Variants in CSMD1 observed in about 807,000 individuals in gnomAD.
The protein encoded by CSMD1 is CUB and Sushi multiple domains 1, also known as CUB and sushi domain-containing protein 1.
Under a neutral mutation model 417.5 loss-of-function variants are expected in CSMD1, and 213 were observed. The observed-to-expected ratio is 0.51, with a 90% CI of 0.46 to 0.57. The LOEUF is 0.57. Among genes scored for constraint, CSMD1 ranks in the 20% least tolerant of loss-of-function variants. The pLI is 0.00. For synonymous variants in CSMD1, 2,862 were observed against 1,736.8 expected (o/e 1.65, Z -16.11); for missense variants, 6,923 against 4,529.7 (o/e 1.53, Z -15.17).
At chr8:4,119,095 G>C (rs888273245) in intron 3 of CSMD1, among the ~76,000 whole-genome samples, 1 of 152,080 alleles carries the variant, frequency 6.6e-6, no homozygotes, top group Admixed American at 6.6e-5. Flanking sequence ...CTGTCAGTGG[G>C]TGGGGACAAG....
At position 3,107,741 on chromosome 8, in the gene CSMD1, G is replaced by A. The variant is rs375171520; in HGVS notation, c.6812C>T (p.Thr2271Ile). 26 of 1,592,146 alleles carry A rather than the reference G, an allele frequency of 1.6e-5. No homozygotes were observed. The highest frequency in any genetic ancestry group is 2.0e-5 in the Non-Finnish European group (23 of 1,171,036). ...PPAVPQAEML[T>I]EDDDFEIGDF... Reference sequence around the variant, plus strand: ...ACCTATTTCGAAATCATCATCCTCAGTAAGCATTTCTGCCTGTGGAACCGC... The same window carrying A: ...ACCTATTTCGAAATCATCATCCTCAATAAGCATTTCTGCCTGTGGAACCGC... The change falls in exon 45 of 70, where the codon ACT (threonine) becomes ATT (isoleucine). Residue 2271 changes from threonine (T) to isoleucine (I), a missense_variant. Thr to Ile is a moderately conservative substitution (Grantham distance 89). Coordinates refer to ENST00000635120, the MANE Select transcript of CSMD1 (RefSeq NM_033225.6).
At chr8:3,307,415 TG>T (rs1202464783) in intron 25 of CSMD1, among the ~76,000 whole-genome samples, 4 of 27,196 alleles carry the variant, frequency 1.5e-4, no homozygotes, top group Non-Finnish European at 1.3e-4. Flanking sequence ...GAAGTCATGA[TG>T]TTTTTTTTCA....
chr8:4,235,886 G>T (rs555596750), intron 3 of CSMD1, among the ~76,000 whole-genome samples: 3 of 152,234 alleles, frequency 2.0e-5, no homozygotes, highest in African/African-American at 7.2e-5. Context: ...GGAACCGGCT[G>T]ACACATCCCG....
chr8:3,751,870 A>G (rs1462303484), intron 6 of CSMD1, among the ~76,000 whole-genome samples: 1 of 152,246 alleles, frequency 6.6e-6, no homozygotes, highest in Non-Finnish European at 1.5e-5. Flanking sequence ...GAGCTCTAGG[A>G]AAAGATCAAT....
chr8:3,274,867 C>T (rs1802154223), intron 26 of CSMD1, among the ~76,000 whole-genome samples: 1 of 152,124 alleles, frequency 6.6e-6, no homozygotes, highest in Non-Finnish European at 1.5e-5. Context: ...ACTGATGGGT[C>T]TTGACTCTGT....
rs139344436 is a variant in CSMD1 at position 3,963,693 on chromosome 8, A to G, written c.818+34210T>C. ...TGTATGTGTGTAAGTGAATATACAT[A>G]GATTTCATCGTAGACAAACTGCAAT... is the stretch of plus-strand genomic sequence containing the variant. On this transcript the variant is annotated intron_variant, in intron 5 of 69. Transcript: ENST00000635120. 2.8e-3 allele frequency among the ~76,000 whole-genome samples: 427 copies of G among 152,326 alleles called. 1 individual carries two copies. Among genetic ancestry groups the G allele is most frequent in the African/African-American group, 9.7e-3 (403 of 41,576 alleles).
At chr8:4,607,018 G>C (rs1015179631) in intron 2 of CSMD1, among the ~76,000 whole-genome samples, 5 of 152,126 alleles carry the variant, frequency 3.3e-5, no homozygotes, top group African/African-American at 1.2e-4. Flanking sequence ...AGGAAATCCA[G>C]TGGTAAAGTT....
intron 1 of CSMD1, among the ~76,000 whole-genome samples, chr8:4,892,762 G>C (rs968502265): frequency 4.0e-5 from 6 of 151,762 alleles, no homozygotes; most frequent in Non-Finnish European, 7.4e-5. Context: ...TTTATTCTTT[G>C]TATTATATAA....
At chr8:4,605,021 C>A (rs540111954) in intron 2 of CSMD1, among the ~76,000 whole-genome samples, 1 of 152,248 alleles carries the variant, frequency 6.6e-6, no homozygotes, top group East Asian at 1.9e-4. Flanking sequence ...AAAGCAACAA[C>A]CCCCATGATA....
intron 3 of CSMD1, among the ~76,000 whole-genome samples, chr8:4,041,537 G>A (rs1373064732): frequency 2.0e-5 from 3 of 152,020 alleles, no homozygotes. Flanking sequence ...AATATTTATG[G>A]GAATACAAAA....
At chr8:3,418,091 A>C (rs1813270037) in intron 12 of CSMD1, among the ~76,000 whole-genome samples, 1 of 152,178 alleles carries the variant, frequency 6.6e-6, no homozygotes, top group Non-Finnish European at 1.5e-5. Flanking sequence ...GTGTACATGA[A>C]ATACCATGTT....
chr8:4,367,869 A>G (rs73175766), intron 3 of CSMD1, among the ~76,000 whole-genome samples: 3,043 of 152,282 alleles, frequency 0.02, 48 homozygotes, highest in Admixed American at 0.027. Context: ...TCGATAGGGT[A>G]TAGAAATGCT....
intron 3 of CSMD1, among the ~76,000 whole-genome samples, chr8:4,170,402 G>A (rs746991502): frequency 2.0e-5 from 3 of 151,882 alleles, no homozygotes; most frequent in Non-Finnish European, 2.9e-5. Flanking sequence ...CCTGTGAAAA[G>A]CATATGCATG....
chr8:4,938,007 T>C (rs949816191), intron 1 of CSMD1, among the ~76,000 whole-genome samples: 1 of 152,180 alleles, frequency 6.6e-6, no homozygotes, highest in Admixed American at 6.5e-5. Flanking sequence ...TCCTCCCTCA[T>C]GCAATCTTTG....
intron 7 of CSMD1, among the ~76,000 whole-genome samples, chr8:3,679,394 G>A (rs1799537783): frequency 6.6e-6 from 1 of 152,130 alleles, no homozygotes; most frequent in African/African-American, 2.4e-5. Context: ...CCTAGTCTCT[G>A]ATAAAAGGGA....
intron 1 of CSMD1, among the ~76,000 whole-genome samples, chr8:4,814,852 T>C (rs1799116886): frequency 1.3e-5 from 2 of 152,208 alleles, no homozygotes; most frequent in Admixed American, 1.3e-4. Context: ...CTCTTAATCA[T>C]TTGTTAGATA....
At chr8:3,070,964 T>A (rs1309749611) in intron 49 of CSMD1, among the ~76,000 whole-genome samples, 1 of 152,210 alleles carries the variant, frequency 6.6e-6, no homozygotes, top group East Asian at 1.9e-4. Flanking sequence ...GGTGCTGGCA[T>A]CTGTTCAGCT....
chr8:4,941,730 T>C (rs1364147064), intron 1 of CSMD1, among the ~76,000 whole-genome samples: 5 of 152,124 alleles, frequency 3.3e-5, no homozygotes, highest in African/African-American at 1.2e-4. Flanking sequence ...TCCTGAGTAG[T>C]TGGGACCACA....
intron 1 of CSMD1, among the ~76,000 whole-genome samples, chr8:4,789,542 A>G (rs1166972782): frequency 6.6e-6 from 1 of 152,178 alleles, no homozygotes; most frequent in Non-Finnish European, 1.5e-5. Flanking sequence ...TCTACCTGGG[A>G]TCTACCACCA....
Sources: gnomAD v4.1 joint callset for allele counts (sites outside exome capture counted in the v4.1 genomes callset) on GRCh38, gnomAD v4.1.1 for gene constraint, MANE v1.5 for transcripts, NCBI Gene and HGNC (gene_info 2026-07-23, HGNC 2026-07-21) for gene names.